The following BRD8 variants were observed in gnomAD, a reference collection of about 807,000 sequenced individuals.
BRD8 encodes the protein bromodomain-containing protein 8.
A neutral mutation model predicts 143.1 loss-of-function variants in BRD8; 67 were observed. The ratio of observed to expected loss-of-function variants is 0.47; its 90% CI spans 0.38 to 0.57. BRD8 has a LOEUF of 0.57. Ranked by LOEUF, BRD8 falls within the 20% of genes least tolerant of loss-of-function variation. The pLI is 0.00. For missense variants in BRD8, 1,103 were observed against 1,503.0 expected, an observed-to-expected ratio of 0.73 and a Z score of 4.40; for synonymous variants, 505 against 517.1, an observed-to-expected ratio of 0.98 and a Z score of 0.32.
chr5:138,174,345 G>A (rs558383448), intron 2 of BRD8, among the ~76,000 whole-genome samples: 13 of 152,076 alleles, frequency 8.5e-5, no homozygotes, highest in African/African-American at 2.4e-4. Flanking sequence ...CTGTAATCCC[G>A]GCACTTTGGG....
At chr5:138,167,817 T>C in intron 9 of BRD8, 117 bp downstream of exon 9, 2 of 887,888 alleles carry the variant, frequency 2.3e-6, no homozygotes, top group Non-Finnish European at 3.7e-6. Context: ...AAAAAAAAGT[T>C]AGAAAAAGTT....
intron 20 of BRD8, among the ~76,000 whole-genome samples, chr5:138,158,663 G>A (rs566148117): frequency 1.7e-4 from 25 of 149,552 alleles, no homozygotes; most frequent in African/African-American, 5.7e-4. Flanking sequence ...GGCTGGTCTC[G>A]AACTCCCGAC....
intron 2 of BRD8, among the ~76,000 whole-genome samples, chr5:138,175,127 G>A (rs1175262148): frequency 8.6e-5 from 13 of 151,924 alleles, no homozygotes; most frequent in East Asian, 1.9e-4. Flanking sequence ...CTTGTGATCC[G>A]CCCACCTCGG....
At position 138,140,897 on chromosome 5, in the gene BRD8, G is replaced by GA. The variant is rs780555257; in HGVS notation, c.3438-16dup. ...AGTCCATGGGTCTGCAGGTGGCCAA[G>GA]AAAAAACAAAGAAAATCAAACCTTC... On this transcript the variant is annotated splice_polypyrimidine_tract_variant and intron_variant, in intron 25 of 26. Transcript: ENST00000254900. 139 of 1,611,206 alleles carry GA rather than the reference G, an allele frequency of 8.6e-5. No individual in the cohort carries two copies. The highest frequency in any genetic ancestry group is 4.2e-4 in the Admixed American group (25 of 59,218).
chr5:138,174,048 AT>A (rs1754107362), intron 2 of BRD8, among the ~76,000 whole-genome samples: 1 of 151,990 alleles, frequency 6.6e-6, no homozygotes, highest in African/African-American at 2.4e-5. Flanking sequence ...ATCATATGGT[AT>A]TTCTTTATGT....
Position 138,164,761 on chromosome 5 carries a change from C to G in BRD8, c.1684G>C (p.Ala562Pro), listed in dbSNP as rs1753265375. The G allele has an allele frequency of 6.2e-7, 1 of 1,614,212 alleles. No individual in the cohort carries two copies. The change falls in exon 12 of 27, where the codon GCC (alanine) becomes CCC (proline). Residue 562 changes from alanine to proline, a missense_variant. Around this residue, in one of 7 missense-constraint regions of BRD8, gnomAD observed 139 missense variants for 139.0 expected, o/e 1.00. Transcript: ENST00000254900. ...GGAGTCTCATCGCCTTTCCCAATGG[C>G]AACATCTGCTTCAACAATCTCTCCA... ...AAGEIVEADV[A>P]IGKGDETPLT...
chr5:138,164,265 C>A, intron 13 of BRD8, 55 bp downstream of exon 13: 1 of 1,595,222 alleles, frequency 6.3e-7, no homozygotes, highest in Non-Finnish European at 8.6e-7. Context: ...CAACCCACAA[C>A]CCCTCAGAAG....
At chr5:138,166,754 G>A (rs1753456713) in intron 9 of BRD8, 27 bp from the exon 10 acceptor site, 1 of 1,357,486 alleles carries the variant, frequency 7.4e-7, no homozygotes, top group Admixed American at 1.8e-5. Context: ...TACACAAAAT[G>A]AAGTAAGAAG....
At chr5:138,161,942 G>A (rs1462371691) in intron 16 of BRD8, 78 bp from the exon 17 acceptor site, 4 of 1,572,570 alleles carry the variant, frequency 2.5e-6, no homozygotes, top group South Asian at 2.2e-5. Context: ...GTAACTAAAG[G>A]TAGTAAGAAC....
In BRD8 at chr5:138,164,406, G is replaced by C; in HGVS notation, c.1739C>G (p.Pro580Arg). 1.9e-6 allele frequency: 3 copies of C among 1,614,066 alleles called. No homozygotes were observed. The highest frequency in any genetic ancestry group is 1.7e-6 in the Non-Finnish European group (2 of 1,179,966). The change falls in exon 13 of 27, where the codon CCT becomes CGT. Residue 580 changes from proline to arginine, a missense_variant. This residue lies in a region of BRD8 where 139 missense variants were observed against 139.0 expected (regional missense o/e 1.00). Coordinates refer to ENST00000254900, the MANE Select transcript of BRD8 (RefSeq NM_139199.2). Reference protein sequence around the residue: ...PLTNVKTEASPESMLSPSHGS... With the variant: ...PLTNVKTEASRESMLSPSHGS... ...ATGTGATGGAGACAACATGCTTTCA[G>C]GGGATGCCTGAAAACCAGAAAAGAA...
chr5:138,158,640 T>C (rs1752771590), intron 20 of BRD8, among the ~76,000 whole-genome samples: 1 of 151,356 alleles, frequency 6.6e-6, no homozygotes, highest in African/African-American at 2.4e-5. Context: ...ACGGGGTTTT[T>C]ACATGTTGGT....
intron 25 of BRD8, among the ~76,000 whole-genome samples, chr5:138,141,436 T>A (rs1751906517): frequency 6.6e-6 from 1 of 152,098 alleles, no homozygotes; most frequent in Non-Finnish European, 1.5e-5. Context: ...GGCCTTATTA[T>A]CTCCATTTCA....
intron 9 of BRD8, 60 bp from the exon 10 acceptor site, chr5:138,166,787 T>A (rs771141218): frequency 4.9e-6 from 5 of 1,024,122 alleles, no homozygotes; most frequent in Non-Finnish European, 6.1e-6. Context: ...TAAGAAGCAA[T>A]AGCTACTTGA....
At chr5:138,144,738 C>T (rs185138710) in intron 25 of BRD8, among the ~76,000 whole-genome samples, 91 of 151,652 alleles carry the variant, frequency 6.0e-4, no homozygotes, top group African/African-American at 2.1e-3. Flanking sequence ...TCCGTTTCTA[C>T]AAAAAATACA....
chr5:138,144,043 C>T (rs1290190656), intron 25 of BRD8, among the ~76,000 whole-genome samples: 1 of 152,214 alleles, frequency 6.6e-6, no homozygotes, highest in East Asian at 1.9e-4. Flanking sequence ...AACTGTAACA[C>T]TCACCGTGAA....
At position 138,171,173 on chromosome 5, in the gene BRD8, G is replaced by GAA. The variant is rs758086410; in HGVS notation, c.237-15_237-14dup. ...ACCTCGTTTCCGTCTGTGGAAAATT[G>GAA]AAAAAAAAAAATTCATATTCAAATA... On this transcript the variant is annotated splice_polypyrimidine_tract_variant and intron_variant, in intron 4 of 26. Transcript: ENST00000254900. The GAA allele has an allele frequency of 7.2e-6, 10 of 1,379,678 alleles. No homozygotes were observed. The highest frequency in any genetic ancestry group is 8.8e-6 in the Non-Finnish European group (9 of 1,018,458). 85.5% of individuals were successfully genotyped at this position (1,379,678 alleles called of 1,614,324 possible). A position where few individuals can be genotyped will look rare whatever the true frequency, so the allele number is the denominator to read the frequency against.
chr5:138,168,093 T>C lies in BRD8; in HGVS notation c.643-15A>G, dbSNP rs1444093211. 14 of 1,602,780 alleles carry C rather than the reference T, an allele frequency of 8.7e-6. No homozygotes were observed. The highest frequency in any genetic ancestry group is 1.1e-5 in the South Asian group (1 of 90,438). On this transcript the variant is annotated splice_polypyrimidine_tract_variant and intron_variant, in intron 8 of 26. Coordinates refer to ENST00000254900, the MANE Select transcript of BRD8 (RefSeq NM_139199.2). ...CTCTCATTGACCTACCAGGGAAGAA[T>C]AGAGGTGAAGGCTACACTCAAGCTT...
chr5:138,150,119 ATT>A (rs761793108), intron 22 of BRD8, among the ~76,000 whole-genome samples: 21 of 141,282 alleles, frequency 1.5e-4, no homozygotes, highest in Non-Finnish European at 1.2e-4. Context: ...TGGCCAGATA[ATT>A]TTTTTTTTTT....
intron 25 of BRD8, among the ~76,000 whole-genome samples, chr5:138,142,448 A>G (rs1458064458): frequency 1.3e-5 from 2 of 152,148 alleles, no homozygotes; most frequent in African/African-American, 4.8e-5. Flanking sequence ...TTATGACAGC[A>G]TTTTAGATGA....
Sources: gnomAD v4.1 joint callset for allele counts (sites outside exome capture counted in the v4.1 genomes callset) on GRCh38, gnomAD v4.1.1 for gene constraint, gnomAD v4.1.1 regional missense constraint, MANE v1.5 for transcripts, NCBI Gene and HGNC (gene_info 2026-07-23, HGNC 2026-07-21) for gene names.